Variants in KPNA3 observed in about 807,000 individuals in gnomAD.
KPNA3 encodes karyopherin subunit alpha 3.
Under a neutral mutation model 73.8 loss-of-function variants are expected in KPNA3, and 13 were observed. The ratio of observed to expected loss-of-function variants is 0.18; its 90% CI spans 0.11 to 0.28. The LOEUF (loss-of-function observed/expected upper bound fraction) is 0.28. KPNA3 is among the 10% of genes least tolerant of loss of function. The pLI is 1.00. For missense variants in KPNA3, 360 were observed against 618.1 expected (o/e 0.58, Z 4.43); for synonymous variants, 186 against 206.9 (o/e 0.90, Z 0.87).
chr13:49,701,545 AGG>A lies in KPNA3; in HGVS notation c.*253_*254del. 1.8e-6 allele frequency: 1 copy of A among 569,258 alleles called. No homozygotes were observed. The allele number at this position is 569,258 out of a possible 1,614,324, so 35.3% of individuals were successfully genotyped here. A position where few individuals can be genotyped will look rare whatever the true frequency, so the allele number is the denominator to read the frequency against. On this transcript the variant is annotated 3_prime_UTR_variant, in exon 17 of 17. Transcript: ENST00000261667. ...TTGTCAGCCTGTGGCACCAGGGAAC[AGG>A]GAAAAATAGGGTAGTTGAGATTGTT...
At chr13:49,730,567 G>A (rs1456473576) in intron 6 of KPNA3, among the ~76,000 whole-genome samples, 4 of 131,644 alleles carry the variant, frequency 3.0e-5, no homozygotes, top group African/African-American at 8.1e-5. Context: ...AACAACTGGA[G>A]GGTCCTAAAG....
chr13:49,773,903 T>C (rs1954875399), intron 1 of KPNA3, among the ~76,000 whole-genome samples: 1 of 152,124 alleles, frequency 6.6e-6, no homozygotes, highest in Non-Finnish European at 1.5e-5. Flanking sequence ...ACCAATACTA[T>C]CCCATTCATA....
chr13:49,784,977 T>A (rs1002067008), intron 1 of KPNA3, among the ~76,000 whole-genome samples: 1 of 151,554 alleles, frequency 6.6e-6, no homozygotes, highest in African/African-American at 2.4e-5. Flanking sequence ...CTACCCAGAG[T>A]TGAGTATTTA....
At position 49,722,142 on chromosome 13, in the gene KPNA3, A is replaced by G. The variant is rs754877367; in HGVS notation, c.557-18T>C. ...ACCATCACCTACAGAAATGAAAATT[A>G]TATTTAAAAAAAACTTACATTCAGG... On this transcript the variant is annotated intron_variant, in intron 8 of 16. Transcript: ENST00000261667. The G allele has an allele frequency of 2.0e-6, 3 of 1,483,670 alleles. No individual in the cohort carries two copies. Among genetic ancestry groups the G allele is most frequent in the East Asian group, 2.4e-5 (1 of 42,150 alleles). The allele number at this position is 1,483,670 out of a possible 1,614,324, so 91.9% of individuals were successfully genotyped here.
intron 10 of KPNA3, among the ~76,000 whole-genome samples, chr13:49,717,636 C>G (rs1167067819): frequency 6.6e-6 from 1 of 152,138 alleles, no homozygotes; most frequent in Non-Finnish European, 1.5e-5. Flanking sequence ...AGACAAATTA[C>G]TTAAGTACCT....
intron 1 of KPNA3, among the ~76,000 whole-genome samples, chr13:49,749,116 A>G (rs1415539984): frequency 6.6e-6 from 1 of 152,250 alleles, no homozygotes; most frequent in African/African-American, 2.4e-5. Context: ...CAGGCAGCAT[A>G]TCTGCTCCAA....
At chr13:49,782,824 T>C (rs991279195) in intron 1 of KPNA3, among the ~76,000 whole-genome samples, 1 of 151,772 alleles carries the variant, frequency 6.6e-6, no homozygotes, top group Non-Finnish European at 1.5e-5. Flanking sequence ...ATTGTGCCAC[T>C]GTACTCCAGC....
chr13:49,728,017 C>T (rs7994062), intron 6 of KPNA3, among the ~76,000 whole-genome samples: 18,157 of 151,834 alleles, frequency 0.12, 2,167 homozygotes, highest in East Asian at 0.58. Context: ...AGGCGGATCA[C>T]GAGGTAAGGA....
chr13:49,770,500 G>A (rs986879729), intron 1 of KPNA3, among the ~76,000 whole-genome samples: 3 of 151,802 alleles, frequency 2.0e-5, no homozygotes, highest in Non-Finnish European at 4.4e-5. Flanking sequence ...TTCCTTGATG[G>A]CGTATTTTGA....
chr13:49,725,646 CTTT>C (rs35089210), intron 6 of KPNA3, 145 bp from the exon 7 acceptor site: 647 of 381,106 alleles, frequency 1.7e-3, no homozygotes, highest in South Asian at 3.6e-3. Context: ...GCCAACCCTA[CTTT>C]TTTTTTTTTT....
Position 49,732,676 on chromosome 13 carries a change from A to G in KPNA3, c.235-19T>C. ...TGGCATTCTGCAATACCAAATGTAA[A>G]TTTCAGAAATGAAAAAAAAAAAATC... is the stretch of plus-strand genomic sequence containing the variant. On this transcript the variant is annotated intron_variant, in intron 4 of 16. Coordinates refer to ENST00000261667, the MANE Select transcript of KPNA3 (RefSeq NM_002267.4). The G allele has an allele frequency of 6.3e-7, 1 of 1,579,190 alleles. No homozygotes were observed. The highest frequency in any genetic ancestry group is 1.2e-5 in the South Asian group (1 of 86,860).
chr13:49,745,211 A>C (rs1429318576), intron 2 of KPNA3, among the ~76,000 whole-genome samples: 2 of 152,220 alleles, frequency 1.3e-5, no homozygotes, highest in Non-Finnish European at 2.9e-5. Context: ...TTGAAGAGCT[A>C]CCTAGCCCGT....
intron 2 of KPNA3, among the ~76,000 whole-genome samples, chr13:49,737,966 C>T (rs9596186): frequency 0.43 from 64,581 of 151,586 alleles, 14,205 homozygotes; most frequent in South Asian, 0.59. Context: ...ATTAGGCTTT[C>T]GTGGCCAAAT....
intron 1 of KPNA3, among the ~76,000 whole-genome samples, chr13:49,775,711 A>T (rs1055594687): frequency 1.3e-5 from 2 of 152,098 alleles, no homozygotes; most frequent in African/African-American, 4.8e-5. Context: ...TCTGTTTTAT[A>T]GTTGCCTTTA....
intron 1 of KPNA3, among the ~76,000 whole-genome samples, chr13:49,775,509 T>C (rs994395704): frequency 1.3e-5 from 2 of 152,208 alleles, no homozygotes; most frequent in African/African-American, 4.8e-5. Context: ...GGCTGTACAC[T>C]GTCACAAACA....
At position 49,770,834 on chromosome 13, in the gene KPNA3, CAAAA is replaced by C. The variant is rs759842886; in HGVS notation, c.69+21600_69+21603del. The stretch of plus-strand genomic sequence containing the variant: ...AAAATCAATTGACCTACCCACCTAC[CAAAA>C]AAAAAAAAAAAAAAGAAAAGAAAAA... On this transcript the variant is annotated intron_variant, in intron 1 of 16. Coordinates refer to ENST00000261667, the MANE Select transcript of KPNA3 (RefSeq NM_002267.4). Among the ~76,000 whole-genome samples the C allele has an allele frequency of 3.5e-4, 30 of 85,464 alleles. 1 individual carries two copies. Among genetic ancestry groups the C allele is most frequent in the Middle Eastern group, 7.4e-3 (1 of 136 alleles). 56.1% of individuals were successfully genotyped at this position (85,464 alleles called of 152,430 possible).
chr13:49,703,251 C>T lies in KPNA3; in HGVS notation c.1373-771G>A, dbSNP rs1253800314. Among the ~76,000 whole-genome samples the T allele has an allele frequency of 3.0e-4, 43 of 145,596 alleles. 1 individual carries two copies. Among genetic ancestry groups the T allele is most frequent in the Non-Finnish European group, 4.6e-4 (31 of 67,002 alleles). The stretch of plus-strand genomic sequence containing the variant: ...AGGGCTGGAGTGCAGTGGCACGTCT[C>T]GGCTCACTGCAACCTCCACCTCCTG... On this transcript the variant is annotated intron_variant, in intron 15 of 16. Coordinates refer to ENST00000261667, the MANE Select transcript of KPNA3 (RefSeq NM_002267.4).
intron 1 of KPNA3, among the ~76,000 whole-genome samples, chr13:49,771,102 T>C (rs11148164): frequency 0.022 from 2,666 of 120,960 alleles, 88 homozygotes; most frequent in Admixed American, 0.12. Flanking sequence ...AATTTCAGAA[T>C]CAACTTGTTG....
At chr13:49,708,185 C>A (rs185658027) in intron 12 of KPNA3, among the ~76,000 whole-genome samples, 3 of 151,594 alleles carry the variant, frequency 2.0e-5, no homozygotes, top group African/African-American at 7.3e-5. Context: ...TTAGTAGAGA[C>A]GGGGTTTCAC....
Sources: allele counts gnomAD v4.1 joint callset (sites outside exome capture counted in the v4.1 genomes callset), GRCh38; gene constraint gnomAD v4.1.1; transcripts MANE v1.5; gene names NCBI Gene and HGNC (gene_info 2026-07-23, HGNC 2026-07-21).